The following SRPK2 variants were observed in gnomAD, a reference collection of about 807,000 sequenced individuals.
The protein encoded by SRPK2 is SFRS protein kinase 2.
Under a neutral mutation model 90.8 loss-of-function variants are expected in SRPK2, and 21 were observed. The observed-to-expected ratio is 0.23, with a 90% confidence interval of 0.16 to 0.33. SRPK2 has a LOEUF of 0.33. Ranked by LOEUF, SRPK2 falls within the 10% of genes least tolerant of loss-of-function variation. SRPK2 has a pLI of 1.00. For synonymous variants in SRPK2, 288 were observed against 311.1 expected (o/e 0.93, Z 0.78); for missense variants, 620 against 869.0 (o/e 0.71, Z 3.60).
At chr7:105,233,763 A>C (rs1441486021) in intron 2 of SRPK2, among the ~76,000 whole-genome samples, 3 of 152,116 alleles carry the variant, frequency 2.0e-5, no homozygotes, top group African/African-American at 7.2e-5. Context: ...AGGAGACTGA[A>C]GCAGGAGAAT....
At chr7:105,121,984 A>T (rs1800448073) in intron 15 of SRPK2, among the ~76,000 whole-genome samples, 1 of 152,230 alleles carries the variant, frequency 6.6e-6, no homozygotes, top group South Asian at 2.1e-4. Context: ...TATAAAACTG[A>T]TGAGCATCAA....
At chr7:105,387,109 C>G (rs573443033) in intron 2 of SRPK2, among the ~76,000 whole-genome samples, 1 of 152,316 alleles carries the variant, frequency 6.6e-6, no homozygotes, top group East Asian at 1.9e-4. Context: ...AGGTAACATG[C>G]ACATATACGT....
intron 11 of SRPK2, among the ~76,000 whole-genome samples, chr7:105,137,285 A>G (rs1334369043): frequency 6.6e-6 from 1 of 152,232 alleles, no homozygotes; most frequent in Non-Finnish European, 1.5e-5. Flanking sequence ...CTGCCAGGGA[A>G]CACACTGGAG....
chr7:105,299,753 G>T (rs1202508002), intron 2 of SRPK2, among the ~76,000 whole-genome samples: 2 of 152,140 alleles, frequency 1.3e-5, no homozygotes, highest in Non-Finnish European at 2.9e-5. Context: ...AATTAGCCAG[G>T]TGTGGTGGAG....
At chr7:105,353,731 A>C (rs1331564094) in intron 2 of SRPK2, among the ~76,000 whole-genome samples, 1 of 152,160 alleles carries the variant, frequency 6.6e-6, no homozygotes, top group Non-Finnish European at 1.5e-5. Context: ...CCTTCTCCAG[A>C]AAATCCCACT....
At chr7:105,327,792 G>A (rs1813763854) in intron 2 of SRPK2, among the ~76,000 whole-genome samples, 1 of 152,158 alleles carries the variant, frequency 6.6e-6, no homozygotes, top group Non-Finnish European at 1.5e-5. Context: ...ATTTATAGGA[G>A]TTTTTTTGTT....
At chr7:105,366,630 A>C (rs975619776) in intron 2 of SRPK2, among the ~76,000 whole-genome samples, 9 of 152,134 alleles carry the variant, frequency 5.9e-5, no homozygotes, top group Non-Finnish European at 1.3e-4. Flanking sequence ...CAGCCTCCCA[A>C]AGTGCTGGGA....
chr7:105,371,439 T>C (rs1361264619), intron 2 of SRPK2, among the ~76,000 whole-genome samples: 1 of 148,382 alleles, frequency 6.7e-6, no homozygotes, highest in Non-Finnish European at 1.5e-5. Context: ...CCAGTGTCAG[T>C]ATCATATATG....
chr7:105,319,357 A>C (rs192091424), intron 2 of SRPK2, among the ~76,000 whole-genome samples: 1 of 152,148 alleles, frequency 6.6e-6, no homozygotes, highest in African/African-American at 2.4e-5. Context: ...TGGTTTTGTG[A>C]ATTTTTTTTA....
At chr7:105,278,310 G>C (rs1273047720) in intron 2 of SRPK2, among the ~76,000 whole-genome samples, 1 of 113,096 alleles carries the variant, frequency 8.8e-6, no homozygotes, top group Admixed American at 9.4e-5. Flanking sequence ...GCGAGATTCT[G>C]TCTCAAAAAA....
intron 2 of SRPK2, among the ~76,000 whole-genome samples, chr7:105,368,213 TA>T (rs1410877332): frequency 6.6e-6 from 1 of 152,140 alleles, no homozygotes; most frequent in Non-Finnish European, 1.5e-5. Context: ...AAAGCTAAAG[TA>T]AAAAACATGG....
Position 105,160,497 on chromosome 7 carries a change from A to T in SRPK2, c.621+10T>A. ...TACTAGGGCCTAGGGGCTGCCGTCAAAAGTCTCACCTGTCGAATGATACTC... is the reference window on the plus strand; with the variant it reads ...TACTAGGGCCTAGGGGCTGCCGTCATAAGTCTCACCTGTCGAATGATACTC... On this transcript the variant is annotated intron_variant, in intron 7 of 15. Transcript: ENST00000393651. 6.3e-7 allele frequency: 1 copy of T among 1,588,770 alleles called. No homozygotes were observed. The highest frequency in any genetic ancestry group is 8.6e-7 in the Non-Finnish European group (1 of 1,157,214).
At chr7:105,352,466 C>T (rs1389460627) in intron 2 of SRPK2, among the ~76,000 whole-genome samples, 1 of 152,256 alleles carries the variant, frequency 6.6e-6, no homozygotes, top group Non-Finnish European at 1.5e-5. Context: ...CTCAGCCAAG[C>T]CTTCAAAATG....
At chr7:105,398,358 T>C (rs1438213081) in intron 1 of SRPK2, among the ~76,000 whole-genome samples, 1 of 151,936 alleles carries the variant, frequency 6.6e-6, no homozygotes, top group Non-Finnish European at 1.5e-5. Flanking sequence ...CTTGGGGCCT[T>C]TAATGGATGA....
intron 6 of SRPK2, 145 bp downstream of exon 6, chr7:105,167,232 A>G: frequency 1.8e-6 from 1 of 558,330 alleles, no homozygotes; most frequent in South Asian, 3.9e-5. Flanking sequence ...AAACTATTCT[A>G]GGTGGACCAC....
intron 2 of SRPK2, among the ~76,000 whole-genome samples, chr7:105,387,602 C>T (rs1300076249): frequency 6.6e-6 from 1 of 150,826 alleles, no homozygotes; most frequent in Non-Finnish European, 1.5e-5. Flanking sequence ...AAAAAGTGAG[C>T]GTGCTGCGAC....
chr7:105,394,123 G>GTCTTTCTT (rs1362520454), upstream of SRPK2, among the ~76,000 whole-genome samples: 5 of 151,400 alleles, frequency 3.3e-5, no homozygotes, highest in African/African-American at 7.3e-5. Context: ...TGTGGCCAGA[G>GTCTTTCTT]TCTTTCTTTC....
intron 2 of SRPK2, among the ~76,000 whole-genome samples, chr7:105,355,729 G>C (rs563604963): frequency 1.7e-4 from 26 of 152,012 alleles, no homozygotes; most frequent in Non-Finnish European, 3.5e-4. Context: ...CTTTGCATAA[G>C]ACACAGCCTG....
Position 105,142,345 on chromosome 7 carries a change from T to C in SRPK2, c.1206A>G (p.Pro402=), listed in dbSNP as rs1209642638. 8.1e-6 allele frequency: 13 copies of C among 1,614,082 alleles called. No individual in the cohort carries two copies. Among genetic ancestry groups the C allele is most frequent in the South Asian group, 1.1e-5 (1 of 91,076 alleles). ...PKTNGHIENG[P]FSLEQQLDDE... ...CGTCCAGTTGCTGCTCCAGTGAGAA[T>C]GGGCCATTCTCAATATGGCCATTGG... The change falls in exon 11 of 16, where the codon CCA becomes CCG. Residue 402 remains proline (P), a synonymous_variant. Transcript: ENST00000393651.
Sources: gnomAD v4.1 joint callset for allele counts (sites outside exome capture counted in the v4.1 genomes callset) on GRCh38, gnomAD v4.1.1 for gene constraint, MANE v1.5 for transcripts, NCBI Gene and HGNC (gene_info 2026-07-23, HGNC 2026-07-21) for gene names.